Variants in SBK1 observed in about 807,000 individuals in gnomAD.
The protein encoded by SBK1 is SH3 domain binding kinase 1, also known as serine/threonine-protein kinase SBK1.
Under a neutral mutation model 24.4 loss-of-function variants are expected in SBK1, and 11 were observed. The observed-to-expected ratio is 0.45, with a 90% CI of 0.28 to 0.75. The LOEUF is 0.75. SBK1 is among the 30% of genes least tolerant of loss of function. The pLI, the probability that SBK1 is intolerant of heterozygous loss-of-function variation, is 0.12. For missense variants in SBK1, 467 were observed against 620.5 expected (o/e 0.75, Z 2.63); for synonymous variants, 308 against 284.4 (o/e 1.08, Z -0.83).
intron 1 of SBK1, among the ~76,000 whole-genome samples, chr16:28,312,216 C>A (rs1400108801): frequency 6.6e-6 from 1 of 152,220 alleles, no homozygotes; most frequent in Non-Finnish European, 1.5e-5. Context: ...GGGACAGCCC[C>A]ACAGTCCACA....
chr16:28,317,444 G>A lies in SBK1; in HGVS notation c.53G>A (p.Gly18Glu). Residue 18 changes from glycine (G) to glutamate (E), a missense_variant, in exon 2 of 4, where the codon GGG (glycine) becomes GAG (glutamate). Coordinates refer to ENST00000341901, the MANE Select transcript of SBK1 (RefSeq NM_001024401.3). The surrounding 1 kb of genome is among the most constrained non-coding windows in gnomAD (Gnocchi z 4.2). ...PEPPRSLTCC[G>E]PGTAPGPGAG... ...CCGCCCCGCTCCCTGACCTGCTGTG[G>A]GCCGGGGACTGCCCCTGGGCCTGGT... is the stretch of plus-strand genomic sequence containing the variant. 1 of 1,614,184 alleles carries A rather than the reference G, an allele frequency of 6.2e-7. No homozygotes were observed. Among genetic ancestry groups the A allele is most frequent in the Non-Finnish European group, 8.5e-7 (1 of 1,180,026 alleles).
At chr16:28,318,856 C>A in intron 2 of SBK1, 139 bp from the exon 3 acceptor site, 1 of 728,860 alleles carries the variant, frequency 1.4e-6, no homozygotes. Flanking sequence ...CTCTCTGGGT[C>A]TGTTCCCATC....
At chr16:28,267,241 G>A (rs1214707029) in intron 1 of SBK1, among the ~76,000 whole-genome samples, 1 of 152,042 alleles carries the variant, frequency 6.6e-6, no homozygotes, top group Admixed American at 6.6e-5. Flanking sequence ...GGGGTGGGGG[G>A]AGGCGGAGGC....
chr16:28,280,115 CTATATATATATATATATATATATA>C (rs1193408430), intron 1 of SBK1, among the ~76,000 whole-genome samples: 1 of 29,456 alleles, frequency 3.4e-5, no homozygotes, highest in South Asian at 2.1e-3. Flanking sequence ...TTGAAAAAAA[CTATATATATATATATATATATATA>C]TATATATATA....
chr16:28,264,177 C>T (rs1412145644), intron 1 of SBK1, among the ~76,000 whole-genome samples: 2 of 152,118 alleles, frequency 1.3e-5, no homozygotes, highest in Non-Finnish European at 2.9e-5. Context: ...GACAAATCCA[C>T]AGAATTTTCT....
Position 28,259,601 on chromosome 16 carries a change from T to G in SBK1, c.257+99T>G, listed in dbSNP as rs2044384468. On this transcript the variant is annotated intron_variant, in intron 1 of 3. Coordinates refer to the SBK1 transcript ENST00000671413. This position sits in a 1 kb window ranked among gnomAD's most constrained non-coding sequence, Gnocchi z 6.0. Reference sequence around the variant, plus strand: ...GGCAGTCTTGCTTCAAGTCAATCTCTCTCTGTCCACTGCTTACCACCCACT... The same window carrying G: ...GGCAGTCTTGCTTCAAGTCAATCTCGCTCTGTCCACTGCTTACCACCCACT... The G allele has an allele frequency of 2.1e-5, 4 of 194,434 alleles. No homozygotes were observed. The highest frequency in any genetic ancestry group is 7.1e-5 in the African/African-American group (3 of 42,164). 12.0% of individuals were successfully genotyped at this position (194,434 alleles called of 1,614,324 possible).
chr16:28,285,576 AC>A (rs1237869913), intron 1 of SBK1: 3 of 152,224 alleles, frequency 2.0e-5, no homozygotes, highest in Non-Finnish European at 2.9e-5. Flanking sequence ...ACAAAGGATA[AC>A]AGATAAAGAT....
chr16:28,292,538 A>C lies in SBK1; in HGVS notation c.-770A>C. ...GGGCGGAGCCGCGATGCCGCGATGGAGCGCAGCCCGGGCGGGCGCCGGGGC... is the reference window on the plus strand; with the variant it reads ...GGGCGGAGCCGCGATGCCGCGATGGCGCGCAGCCCGGGCGGGCGCCGGGGC... On this transcript the variant is annotated 5_prime_UTR_variant, in exon 1 of 4. Transcript: ENST00000341901. 1.0e-6 allele frequency: 1 copy of C among 975,486 alleles called. No individual in the cohort carries two copies. The allele number at this position is 975,486 out of a possible 1,614,324, so 60.4% of individuals were successfully genotyped here. A position where few individuals can be genotyped will look rare whatever the true frequency, so the allele number is the denominator to read the frequency against.
At chr16:28,275,933 TAAAGAA>T (rs924117942) in intron 1 of SBK1, among the ~76,000 whole-genome samples, 11 of 148,806 alleles carry the variant, frequency 7.4e-5, no homozygotes, top group Non-Finnish European at 1.3e-4. Flanking sequence ...AAGGAAAGGG[TAAAGAA>T]AAAGAAAAAG....
rs573114401 is a variant in SBK1, at chr16:28,283,250, C to A, written c.257+23748C>A. ...CCGACCATACTCCCACATTTTTAAA[C>A]CCTTTATTTCTGGGGGGTTGTATGT... On this transcript the variant is annotated intron_variant, in intron 1 of 3. Coordinates refer to the SBK1 transcript ENST00000671413. Among the ~76,000 whole-genome samples, 326 of 152,208 alleles carry A rather than the reference C, an allele frequency of 2.1e-3. 1 individual carries two copies. The highest frequency in any genetic ancestry group is 7.5e-3 in the African/African-American group (313 of 41,552).
chr16:28,319,159 G>A lies in SBK1; in HGVS notation c.391G>A (p.Ala131Thr). Residue 131 changes from alanine to threonine, a missense_variant, in exon 3 of 4, where the codon GCA (alanine) becomes ACA (threonine). Ala to Thr is a moderately conservative substitution (Grantham distance 58). This residue lies in a region of SBK1 where 92 missense variants were observed against 193.8 expected (regional missense o/e 0.47). Coordinates refer to ENST00000341901, the MANE Select transcript of SBK1 (RefSeq NM_001024401.3). This position sits in a 1 kb window ranked among gnomAD's most constrained non-coding sequence, Gnocchi z 4.0. ...CTGCTACGTCTTTGCCCAGGAGTAC[G>A]CACCTGCTGGGGACCTGTTTGACAT... ...EDCYVFAQEYAPAGDLFDIIP... is the reference protein window; with the variant it reads ...EDCYVFAQEYTPAGDLFDIIP... 2.5e-6 allele frequency: 4 copies of A among 1,613,816 alleles called. No homozygotes were observed. The highest frequency in any genetic ancestry group is 2.5e-6 in the Non-Finnish European group (3 of 1,179,888).
At chr16:28,313,916 C>T (rs904353885) in intron 1 of SBK1, among the ~76,000 whole-genome samples, 1 of 152,070 alleles carries the variant, frequency 6.6e-6, no homozygotes, top group African/African-American at 2.4e-5. Context: ...GGATGCGGGG[C>T]TCATGGAGTG....
chr16:28,312,139 C>T (rs1354549113), intron 1 of SBK1, among the ~76,000 whole-genome samples: 3 of 152,230 alleles, frequency 2.0e-5, no homozygotes, highest in Non-Finnish European at 4.4e-5. Context: ...AGCAGCCCAG[C>T]GTCTCCCTGT....
intron 1 of SBK1, among the ~76,000 whole-genome samples, chr16:28,287,398 G>A (rs1312123779): frequency 6.7e-5 from 10 of 149,444 alleles, no homozygotes; most frequent in East Asian, 2.0e-4. Context: ...GCAGTGAGCC[G>A]AGATTGTGCC....
At chr16:28,277,608 A>G (rs1478931439) in intron 1 of SBK1, among the ~76,000 whole-genome samples, 1 of 152,196 alleles carries the variant, frequency 6.6e-6, no homozygotes, top group Non-Finnish European at 1.5e-5. Context: ...GCAGTGAGCC[A>G]TGATCACACC....
Position 28,317,623 on chromosome 16 carries a change from C to A in SBK1, c.226+6C>A. 7.0e-7 allele frequency: 1 copy of A among 1,430,324 alleles called. No homozygotes were observed. Among genetic ancestry groups the A allele is most frequent in the Non-Finnish European group, 9.7e-7 (1 of 1,027,030 alleles). The allele number at this position is 1,430,324 out of a possible 1,614,324, so 88.6% of individuals were successfully genotyped here. A position where few individuals can be genotyped will look rare whatever the true frequency, so the allele number is the denominator to read the frequency against. ...GGTGGTCTACAAGGGCACAGGTGAA[C>A]AAGTGCAGGGTGGCAGGGCTGAGAG... On this transcript the variant is annotated splice_donor_region_variant and intron_variant, in intron 2 of 3. Coordinates refer to ENST00000341901, the MANE Select transcript of SBK1 (RefSeq NM_001024401.3). This position sits in a 1 kb window ranked among gnomAD's most constrained non-coding sequence, Gnocchi z 4.2.
At chr16:28,288,968 C>T (rs1470714254), upstream of SBK1, among the ~76,000 whole-genome samples, 1 of 152,174 alleles carries the variant, frequency 6.6e-6, no homozygotes, top group Non-Finnish European at 1.5e-5. Context: ...TGCATGCCAG[C>T]AAACCTTTAC....
chr16:28,295,282 C>CT (rs1180630452), intron 1 of SBK1, among the ~76,000 whole-genome samples: 1 of 152,148 alleles, frequency 6.6e-6, no homozygotes, highest in African/African-American at 2.4e-5. Context: ...GGACTGCAGC[C>CT]TGGCCCTAAA....
Position 28,319,549 on chromosome 16 carries a change from A to T in SBK1, c.429+352A>T, listed in dbSNP as rs772588458. Among the ~76,000 whole-genome samples, 1 of 152,064 alleles carries T rather than the reference A, an allele frequency of 6.6e-6. No homozygotes were observed. Among genetic ancestry groups the T allele is most frequent in the African/African-American group, 2.4e-5 (1 of 41,412 alleles). On this transcript the variant is annotated intron_variant, in intron 3 of 3. Coordinates refer to ENST00000341901, the MANE Select transcript of SBK1 (RefSeq NM_001024401.3). This position sits in a 1 kb window ranked among gnomAD's most constrained non-coding sequence, Gnocchi z 4.0. ...CAGAGGAAGCGACCCTGGAACCGGG[A>T]CGGTGGGGGAGGGTTCCAGGCACTA...
Sources: allele counts gnomAD v4.1 joint callset (sites outside exome capture counted in the v4.1 genomes callset), GRCh38; gene constraint gnomAD v4.1.1; regional missense constraint gnomAD v4.1.1; non-coding constraint Gnocchi (gnomAD v3.1); transcripts MANE v1.5; gene names NCBI Gene and HGNC (gene_info 2026-07-23, HGNC 2026-07-21).